LRCH3: variants seen among roughly 807,000 people sequenced by gnomAD.
LRCH3 encodes the protein DISP complex protein LRCH3.
A neutral mutation model predicts 104.5 loss-of-function variants in LRCH3; 68 were observed. That is an observed-to-expected ratio of 0.65 (90% confidence interval 0.54 to 0.80). LRCH3 has a LOEUF of 0.80. LRCH3 is among the 30% of genes least tolerant of loss of function. The probability of loss-of-function intolerance (pLI) is 0.00; values close to 1 mark genes in which losing one functional copy is unlikely to be tolerated. For synonymous variants in LRCH3, 344 were observed against 361.3 expected, an observed-to-expected ratio of 0.95 and a Z score of 0.54; for missense variants, 951 against 953.9, an observed-to-expected ratio of 1.00 and a Z score of 0.04.
intron 9 of LRCH3, among the ~76,000 whole-genome samples, chr3:197,837,020 C>A (rs901587143): frequency 6.6e-6 from 1 of 151,966 alleles, no homozygotes; most frequent in South Asian, 2.1e-4. Flanking sequence ...CTTGGTTTTT[C>A]CTATCTGAAT....
intron 9 of LRCH3, among the ~76,000 whole-genome samples, chr3:197,837,863 A>G (rs1345981525): frequency 3.3e-5 from 5 of 151,700 alleles, no homozygotes; most frequent in African/African-American, 4.9e-5. Flanking sequence ...ACTGGCCAAC[A>G]TGAAGAAACG....
intron 10 of LRCH3, among the ~76,000 whole-genome samples, chr3:197,846,917 TTAAAAA>T (rs1450972270): frequency 2.6e-5 from 4 of 151,838 alleles, no homozygotes; most frequent in Admixed American, 6.5e-5. Flanking sequence ...TGTATTTTTC[TTAAAAA>T]TAAAAAAACC....
rs1219798117 is a variant in LRCH3 at position 197,880,949 on chromosome 3, C to T, written c.2209-2592C>T. 2.2e-5 allele frequency: 30 copies of T among 1,388,362 alleles called. No individual in the cohort carries two copies. In the South Asian group the frequency reaches 2.4e-4, roughly 11 times the overall value. 86.0% of individuals were successfully genotyped at this position (1,388,362 alleles called of 1,614,324 possible). ...ACCAGCATTTTTTCTCCTGGTCATC[C>T]GTCCATTCTCCTGGCCTGTGGCCTT... On this transcript the variant is annotated intron_variant, in intron 20 of 20. Coordinates refer to ENST00000425562, the MANE Select transcript of LRCH3 (RefSeq NM_001365715.1).
At chr3:197,872,360 G>GAAAAAAAAAAAAAAA (rs56254857) in intron 19 of LRCH3, among the ~76,000 whole-genome samples, 1 of 105,390 alleles carries the variant, frequency 9.5e-6, no homozygotes, top group Non-Finnish European at 1.9e-5. Context: ...CTGTCTCAAA[G>GAAAAAAAAAAAAAAA]AAAAAAAAAA....
In LRCH3 at chr3:197,856,761, T is replaced by C. The variant is rs1435620688; in HGVS notation, c.1645-2073T>C. 6.6e-6 allele frequency among the ~76,000 whole-genome samples: 1 copy of C among 152,208 alleles called. No homozygotes were observed. Among genetic ancestry groups the C allele is most frequent in the African/African-American group, 2.4e-5 (1 of 41,456 alleles). Reference sequence around the variant, plus strand: ...TTCATGAACACAAGGATATTCTATTTTGTCTTAATGTACCTTAATACACTC... The same window carrying C: ...TTCATGAACACAAGGATATTCTATTCTGTCTTAATGTACCTTAATACACTC... On this transcript the variant is annotated intron_variant, in intron 14 of 20. Transcript: ENST00000425562. The surrounding 1 kb of genome is among the most constrained non-coding windows in gnomAD (Gnocchi z 4.2).
At chr3:197,819,735 A>AG (rs1350342332) in intron 3 of LRCH3, among the ~76,000 whole-genome samples, 1 of 152,124 alleles carries the variant, frequency 6.6e-6, no homozygotes, top group East Asian at 1.9e-4. Flanking sequence ...GAAAAAAAAA[A>AG]GTCTAGCTTC....
rs1339763959 is a variant in LRCH3, at chr3:197,820,416, T to C, written c.626T>C (p.Val209Ala). 6.3e-7 allele frequency: 1 copy of C among 1,584,708 alleles called. No homozygotes were observed. The highest frequency in any genetic ancestry group is 8.7e-7 in the Non-Finnish European group (1 of 1,155,186). The change falls in exon 4 of 21, where the codon GTA becomes GCA. Residue 209 changes from valine to alanine, a missense_variant. By Grantham distance (64) the Val-to-Ala change is moderately conservative. Coordinates refer to ENST00000425562, the MANE Select transcript of LRCH3 (RefSeq NM_001365715.1). Reference sequence around the variant, plus strand: ...CTTAATGTAAGAAGAAATCACCTAGTACATTTGCCTGAAGGTAAGAAACTA... The same window carrying C: ...CTTAATGTAAGAAGAAATCACCTAGCACATTTGCCTGAAGGTAAGAAACTA... ...RDLNVRRNHL[V>A]HLPEELAELP...
At position 197,831,603 on chromosome 3, in the gene LRCH3, A is replaced by G. The variant is rs565875416; in HGVS notation, c.982-594A>G. Among the ~76,000 whole-genome samples the G allele has an allele frequency of 9.9e-5, 15 of 152,106 alleles. No individual in the cohort carries two copies. In the South Asian group the frequency reaches 2.9e-3, roughly 29 times the overall value. On this transcript the variant is annotated intron_variant, in intron 7 of 20. Transcript: ENST00000425562. ...GCTGTATCAATACAGATATATATGT[A>G]GATATTTTAAATCTATATATATATA...
At chr3:197,836,992 T>G (rs1736901956) in intron 9 of LRCH3, among the ~76,000 whole-genome samples, 1 of 152,126 alleles carries the variant, frequency 6.6e-6, no homozygotes, top group South Asian at 2.1e-4. Context: ...TTATCATTCT[T>G]TTTTTTAAAA....
Position 197,854,392 on chromosome 3 carries a change from T to C in LRCH3, c.1591T>C (p.Cys531Arg). ...GCTTCATTTTTCTCCATCTCTCCAG[T>C]GCCCCTTCCCATCCAGAAGGTCTCA... ...HPLLDGVDGE[C>R]PFPSRRSQHT... Residue 531 changes from cysteine to arginine, a missense_variant and splice_region_variant, in exon 14 of 21, where the codon TGC (cysteine) becomes CGC (arginine). Coordinates refer to ENST00000425562, the MANE Select transcript of LRCH3 (RefSeq NM_001365715.1). This position sits in a 1 kb window ranked among gnomAD's most constrained non-coding sequence, Gnocchi z 4.5. 1 of 1,614,062 alleles carries C rather than the reference T, an allele frequency of 6.2e-7. No homozygotes were observed. The highest frequency in any genetic ancestry group is 8.5e-7 in the Non-Finnish European group (1 of 1,179,884).
At chr3:197,809,167 G>A (rs183408600) in intron 1 of LRCH3, among the ~76,000 whole-genome samples, 127 of 151,688 alleles carry the variant, frequency 8.4e-4, no homozygotes, top group African/African-American at 2.9e-3. Flanking sequence ...GAGTGGTGGT[G>A]TGTGCCTGTA....
chr3:197,828,557 G>C (rs954073545), intron 5 of LRCH3, among the ~76,000 whole-genome samples: 1 of 151,624 alleles, frequency 6.6e-6, no homozygotes, highest in Non-Finnish European at 1.5e-5. Flanking sequence ...GTGTTAGCCA[G>C]AATGGTCTCA....
At chr3:197,834,822 T>C (rs1228782931) in intron 8 of LRCH3, among the ~76,000 whole-genome samples, 4 of 152,212 alleles carry the variant, frequency 2.6e-5, no homozygotes, top group African/African-American at 9.6e-5. Context: ...CTGGAGCCTA[T>C]TTTTGTGAGT....
chr3:197,846,385 C>CAAAAAAAA (rs113781589), intron 10 of LRCH3, among the ~76,000 whole-genome samples: 1 of 66,734 alleles, frequency 1.5e-5, no homozygotes, highest in African/African-American at 4.8e-5. Flanking sequence ...CCTTGGGCCA[C>CAAAAAAAA]AAAAAAAAAA....
chr3:197,792,840 C>T (rs1317199654), intron 1 of LRCH3, among the ~76,000 whole-genome samples: 6 of 151,424 alleles, frequency 4.0e-5, no homozygotes, highest in East Asian at 3.9e-4. Flanking sequence ...TTATTAGAGA[C>T]GGGATTTCAC....
chr3:197,873,863 A>C (rs532050790), intron 19 of LRCH3, among the ~76,000 whole-genome samples: 1 of 152,134 alleles, frequency 6.6e-6, no homozygotes, highest in South Asian at 2.1e-4. Flanking sequence ...TCTACTAAAA[A>C]TACAAAAATT....
intron 5 of LRCH3, 132 bp from the exon 6 acceptor site, chr3:197,829,432 T>A (rs1735636258): frequency 2.0e-6 from 1 of 488,580 alleles, no homozygotes; most frequent in South Asian, 4.4e-5. Context: ...TATTAGTTTT[T>A]AAATATTACT....
rs935136698 is a variant in LRCH3, at chr3:197,883,816, T to C, written c.*150T>C. Reference sequence around the variant, plus strand: ...CCTAACAGGAATATTTTGCTTCATTTCTCCATTTTAGGGGAGGTTATTTCC... The same window carrying C: ...CCTAACAGGAATATTTTGCTTCATTCCTCCATTTTAGGGGAGGTTATTTCC... On this transcript the variant is annotated 3_prime_UTR_variant, in exon 21 of 21. Transcript: ENST00000425562. The surrounding 1 kb of genome is among the most constrained non-coding windows in gnomAD (Gnocchi z 4.2). 1.2e-6 allele frequency: 1 copy of C among 838,246 alleles called. No individual in the cohort carries two copies. The highest frequency in any genetic ancestry group is 1.8e-5 in the African/African-American group (1 of 56,766). The allele number at this position is 838,246 out of a possible 1,614,324, so 51.9% of individuals were successfully genotyped here.
chr3:197,858,660 A>G (rs1361081507), intron 14 of LRCH3, among the ~76,000 whole-genome samples, 174 bp from the exon 15 acceptor site: 3 of 152,124 alleles, frequency 2.0e-5, no homozygotes, highest in East Asian at 3.9e-4. Context: ...AACTGTGTCC[A>G]TGGGTTTTTG....
Sources: allele counts gnomAD v4.1 joint callset (sites outside exome capture counted in the v4.1 genomes callset), GRCh38; gene constraint gnomAD v4.1.1; non-coding constraint Gnocchi (gnomAD v3.1); transcripts MANE v1.5; gene names NCBI Gene and HGNC (gene_info 2026-07-23, HGNC 2026-07-21).